TAF1B: variants seen among roughly 807,000 people sequenced by gnomAD.
TAF1B encodes TATA box-binding protein-associated factor RNA polymerase I subunit B.
In TAF1B, 61 loss-of-function variants were observed where a neutral mutation model predicts 83.9. That is an observed-to-expected ratio of 0.73 (90% CI 0.59 to 0.90). The LOEUF is 0.90. Ranked by LOEUF, TAF1B falls within the 40% of genes least tolerant of loss-of-function variation. The pLI is 0.00. For synonymous variants in TAF1B, 221 were observed against 224.6 expected (o/e 0.98, Z 0.14); for missense variants, 625 against 677.0 (o/e 0.92, Z 0.85).
At chr2:9,924,448 A>G (rs4668654) in intron 14 of TAF1B, among the ~76,000 whole-genome samples, 77,592 of 152,066 alleles carry the variant, frequency 0.51, 22,884 homozygotes, top group Non-Finnish European at 0.68. Context: ...AGGGGAGCCA[A>G]CATCAGAATC....
chr2:9,918,902 G>A lies in TAF1B; in HGVS notation c.1272-139G>A, dbSNP rs544533170. The A allele has an allele frequency of 4.4e-5, 32 of 719,396 alleles. No individual in the cohort carries two copies. In the South Asian group the frequency reaches 5.6e-4, roughly 13 times the overall value. 44.6% of individuals were successfully genotyped at this position (719,396 alleles called of 1,614,324 possible). On this transcript the variant is annotated intron_variant, in intron 12 of 14. Coordinates refer to ENST00000263663, the MANE Select transcript of TAF1B (RefSeq NM_005680.3). ...TCCTTCTAGGGCCTAAGTTCAATAG[G>A]CAATATAGACATGTGCCAGTAGGCC... is the stretch of plus-strand genomic sequence containing the variant.
intron 14 of TAF1B, among the ~76,000 whole-genome samples, chr2:9,926,988 A>G (rs942603430): frequency 1.3e-5 from 2 of 150,966 alleles, no homozygotes; most frequent in African/African-American, 4.9e-5. Flanking sequence ...GGTCATTTAC[A>G]TTAGGTATTT....
At chr2:9,894,100 T>G (rs1664950426) in intron 8 of TAF1B, among the ~76,000 whole-genome samples, 1 of 149,582 alleles carries the variant, frequency 6.7e-6, no homozygotes, top group Admixed American at 6.7e-5. Context: ...AAATTGAGCA[T>G]AAAGACCGTA....
rs144572249 is a variant in TAF1B, at chr2:9,921,300, C to A, written c.1565+1480C>A. On this transcript the variant is annotated intron_variant, in intron 14 of 14. Coordinates refer to ENST00000263663, the MANE Select transcript of TAF1B (RefSeq NM_005680.3). ...GAGACGAGGGTCTCCCTATGCTGCCCAGGTTGGTCTCAAATGCCTGAGCTC... is the reference window on the plus strand; with the variant it reads ...GAGACGAGGGTCTCCCTATGCTGCCAAGGTTGGTCTCAAATGCCTGAGCTC... Among the ~76,000 whole-genome samples, 379 of 152,172 alleles carry A rather than the reference C, an allele frequency of 2.5e-3. 2 individuals are homozygous for A. The highest frequency in any genetic ancestry group is 7.9e-3 in the African/African-American group (328 of 41,498).
intron 5 of TAF1B, among the ~76,000 whole-genome samples, chr2:9,864,690 A>G (rs1350051454): frequency 1.3e-5 from 2 of 152,348 alleles, no homozygotes; most frequent in Middle Eastern, 3.4e-3. Flanking sequence ...AAAATCCTCA[A>G]TAAAATACTG....
intron 14 of TAF1B, among the ~76,000 whole-genome samples, chr2:9,929,381 A>G (rs1468746914): frequency 6.6e-6 from 1 of 151,954 alleles, no homozygotes; most frequent in African/African-American, 2.4e-5. Context: ...GACGGTCTCA[A>G]TCTCCTGACC....
intron 7 of TAF1B, among the ~76,000 whole-genome samples, chr2:9,880,948 TAAA>T (rs1162370539): frequency 6.6e-6 from 1 of 152,192 alleles, no homozygotes; most frequent in Non-Finnish European, 1.5e-5. Flanking sequence ...AATATACTAA[TAAA>T]AACTTAGCTG....
chr2:9,911,400 A>G, intron 10 of TAF1B, 111 bp from the exon 11 acceptor site: 2 of 772,936 alleles, frequency 2.6e-6, no homozygotes, highest in Non-Finnish European at 2.0e-6. Flanking sequence ...CCATTAAAAC[A>G]TGGTATCAAT....
intron 5 of TAF1B, 62 bp from the exon 6 acceptor site, chr2:9,868,214 C>G: frequency 6.9e-7 from 1 of 1,457,838 alleles, no homozygotes. Context: ...TGTTTAAGTT[C>G]ACAGAAATTA....
intron 11 of TAF1B, among the ~76,000 whole-genome samples, chr2:9,912,111 A>G (rs186844373): frequency 6.6e-6 from 1 of 152,340 alleles, no homozygotes; most frequent in Non-Finnish European, 1.5e-5. Context: ...TTGAGGTCTA[A>G]CTAATGGCCT....
chr2:9,852,743 C>T (rs569448310), intron 4 of TAF1B, among the ~76,000 whole-genome samples: 115 of 152,266 alleles, frequency 7.6e-4, no homozygotes, highest in African/African-American at 2.6e-3. Context: ...CTGCCCATCT[C>T]GGCCTCTCAA....
intron 5 of TAF1B, among the ~76,000 whole-genome samples, chr2:9,866,519 T>A (rs1289820618): frequency 6.6e-6 from 1 of 152,154 alleles, no homozygotes; most frequent in Admixed American, 6.5e-5. Flanking sequence ...ATTGTGGAAG[T>A]CAGTGTGGCG....
chr2:9,856,412 A>C (rs1663569032), intron 5 of TAF1B, among the ~76,000 whole-genome samples: 1 of 152,202 alleles, frequency 6.6e-6, no homozygotes, highest in South Asian at 2.1e-4. Context: ...TGAATTTACT[A>C]GAAAAGATAA....
At chr2:9,845,931 C>T (rs140817463) in intron 2 of TAF1B, 18,888 of 352,008 alleles carry the variant, frequency 0.054, 609 homozygotes, top group African/African-American at 0.073. Context: ...TGCAGTGAGA[C>T]GAGATCACGC....
At chr2:9,920,040 G>T (rs1665821390) in intron 14 of TAF1B, among the ~76,000 whole-genome samples, 1 of 152,188 alleles carries the variant, frequency 6.6e-6, no homozygotes, top group Admixed American at 6.5e-5. Flanking sequence ...AAATTAACCT[G>T]CAGTGTGGCA....
At chr2:9,896,940 T>G (rs1665037828) in intron 8 of TAF1B, among the ~76,000 whole-genome samples, 1 of 152,228 alleles carries the variant, frequency 6.6e-6, no homozygotes, top group Admixed American at 6.5e-5. Flanking sequence ...TTCTGAGTTG[T>G]GATTCCTGAG....
At position 9,912,828 on chromosome 2, in the gene TAF1B, TTCCTC is replaced by T. The variant is rs1235169266; in HGVS notation, c.1181-328_1181-324del. 5.3e-5 allele frequency among the ~76,000 whole-genome samples: 8 copies of T among 152,226 alleles called. No homozygotes were observed. In the East Asian group the frequency reaches 1.3e-3, roughly 26 times the overall value. ...CTGTTCTTACAGTTCTTTCGGTAGT[TTCCTC>T]TCTTCTGTGGCTGTATGGTCTACAA... On this transcript the variant is annotated intron_variant, in intron 11 of 14. Transcript: ENST00000263663.
At chr2:9,881,238 T>G (rs1403087951) in intron 7 of TAF1B, among the ~76,000 whole-genome samples, 1 of 151,884 alleles carries the variant, frequency 6.6e-6, no homozygotes, top group Admixed American at 6.6e-5. Context: ...CTTGGGAGGA[T>G]GAGGCAGGAA....
intron 7 of TAF1B, among the ~76,000 whole-genome samples, chr2:9,878,213 C>A (rs1037633359): frequency 7.2e-6 from 1 of 139,128 alleles, no homozygotes; most frequent in Non-Finnish European, 1.6e-5. Context: ...TCAGGGGATT[C>A]TTCTTCTTTT....
Sources: allele counts gnomAD v4.1 joint callset (sites outside exome capture counted in the v4.1 genomes callset), GRCh38; gene constraint gnomAD v4.1.1; transcripts MANE v1.5; gene names NCBI Gene and HGNC (gene_info 2026-07-23, HGNC 2026-07-21).